Variants in AFDN observed in about 807,000 individuals in gnomAD.
The protein encoded by AFDN is afadin, adherens junction formation factor.
Under a neutral mutation model 216.6 loss-of-function variants are expected in AFDN, and 68 were observed. The observed-to-expected ratio is 0.31, with a 90% CI of 0.26 to 0.38. The LOEUF (loss-of-function observed/expected upper bound fraction) is 0.38. AFDN is among the 10% of genes least tolerant of loss of function. The pLI, the probability that AFDN is intolerant of heterozygous loss-of-function variation, is 1.00. For synonymous variants in AFDN, 868 were observed against 853.7 expected, an observed-to-expected ratio of 1.02 and a Z score of -0.29; for missense variants, 2,136 against 2,342.0, an observed-to-expected ratio of 0.91 and a Z score of 1.82.
chr6:167,960,308 G>A (rs1796911262), intron 30 of AFDN, among the ~76,000 whole-genome samples: 1 of 152,192 alleles, frequency 6.6e-6, no homozygotes, highest in Non-Finnish European at 1.5e-5. Flanking sequence ...GAACACAAGT[G>A]GAGGCTCCTT....
At chr6:167,868,230 C>T (rs1784407892) in intron 2 of AFDN, among the ~76,000 whole-genome samples, 1 of 152,062 alleles carries the variant, frequency 6.6e-6, no homozygotes, top group African/African-American at 2.4e-5. Context: ...CTGTAAAAGG[C>T]CCCTTAGAAA....
chr6:167,829,805 A>G (rs149994297), intron 1 of AFDN, among the ~76,000 whole-genome samples: 1,575 of 152,294 alleles, frequency 0.01, 33 homozygotes, highest in African/African-American at 0.036. Flanking sequence ...GTGTTTAGGA[A>G]GATGATAAAC....
intron 15 of AFDN, 152 bp downstream of exon 15, chr6:167,911,641 T>A: frequency 1.4e-6 from 1 of 696,762 alleles, no homozygotes; most frequent in Non-Finnish European, 2.4e-6. Context: ...TGTATAACTT[T>A]AAAGAGTTGA....
chr6:167,936,817 G>T (rs1480072785), intron 23 of AFDN, among the ~76,000 whole-genome samples: 4 of 152,202 alleles, frequency 2.6e-5, no homozygotes, highest in Admixed American at 2.0e-4. Flanking sequence ...TGGACACCTT[G>T]TAGTTGGACA....
At chr6:167,874,008 A>G (rs1327350826) in intron 4 of AFDN, among the ~76,000 whole-genome samples, 1 of 152,266 alleles carries the variant, frequency 6.6e-6, no homozygotes, top group African/African-American at 2.4e-5. Context: ...ATTACATAAT[A>G]AGACTCTATT....
intron 16 of AFDN, 91 bp from the exon 17 acceptor site, chr6:167,914,077 C>G: frequency 7.1e-7 from 1 of 1,406,666 alleles, no homozygotes; most frequent in Non-Finnish European, 9.8e-7. Context: ...AGGTACTGGT[C>G]TATCTTCAGC....
chr6:167,880,656 A>G (rs377056355), intron 6 of AFDN, 139 bp downstream of exon 6: 2 of 819,624 alleles, frequency 2.4e-6, no homozygotes, highest in Non-Finnish European at 1.9e-6. Context: ...TGCTAAATAT[A>G]TATTTTTAAA....
intron 6 of AFDN, among the ~76,000 whole-genome samples, chr6:167,883,603 A>G (rs977461409): frequency 6.6e-6 from 1 of 152,230 alleles, no homozygotes; most frequent in Non-Finnish European, 1.5e-5. Flanking sequence ...TGGTTTCCCA[A>G]TACGTATAAA....
intron 8 of AFDN, among the ~76,000 whole-genome samples, chr6:167,892,094 T>C (rs1269094153): frequency 1.3e-5 from 2 of 152,252 alleles, no homozygotes; most frequent in Non-Finnish European, 2.9e-5. Flanking sequence ...CCGTAGGTTA[T>C]ATAAATACAG....
chr6:167,958,523 T>G (rs1339352642), intron 30 of AFDN, among the ~76,000 whole-genome samples: 1 of 152,240 alleles, frequency 6.6e-6, no homozygotes, highest in East Asian at 1.9e-4. Flanking sequence ...GTTTGTCTTG[T>G]TAACACGTTT....
intron 1 of AFDN, among the ~76,000 whole-genome samples, chr6:167,857,011 C>T (rs1782974065): frequency 6.6e-6 from 1 of 151,984 alleles, no homozygotes; most frequent in African/African-American, 2.4e-5. Flanking sequence ...GTTTACTACA[C>T]AGTAAAAAGT....
chr6:167,832,408 G>A (rs893874492), intron 1 of AFDN, among the ~76,000 whole-genome samples: 11 of 152,156 alleles, frequency 7.2e-5, no homozygotes, highest in African/African-American at 2.7e-4. Flanking sequence ...GTGTAACTGG[G>A]CTAAAGCAGG....
intron 1 of AFDN, among the ~76,000 whole-genome samples, chr6:167,852,173 T>C (rs1204177994): frequency 6.6e-6 from 1 of 152,192 alleles, no homozygotes; most frequent in Non-Finnish European, 1.5e-5. Flanking sequence ...TTCTTTGTTA[T>C]TATCTGTTAT....
chr6:167,911,023 C>G lies in AFDN; in HGVS notation c.1770-78C>G. 6 of 1,198,232 alleles carry G rather than the reference C, an allele frequency of 5.0e-6. No individual in the cohort carries two copies. The South Asian group carries it at 7.9e-5, about 16-fold the overall frequency. 74.2% of individuals were successfully genotyped at this position (1,198,232 alleles called of 1,614,324 possible). A position where few individuals can be genotyped will look rare whatever the true frequency, so the allele number is the denominator to read the frequency against. On this transcript the variant is annotated intron_variant, in intron 13 of 33. Transcript: ENST00000683244. ...AGTATATAGATTTAAAAAGTAGTTG[C>G]AGAAATCTACACAGGTTGTCAGTAA...
intron 29 of AFDN, among the ~76,000 whole-genome samples, chr6:167,949,716 C>A (rs1226022221): frequency 6.6e-6 from 1 of 152,194 alleles, no homozygotes; most frequent in African/African-American, 2.4e-5. Context: ...GTAGGAGAAT[C>A]TGCTTCCCAT....
chr6:167,881,267 A>G (rs561576837), intron 6 of AFDN, among the ~76,000 whole-genome samples: 2 of 152,352 alleles, frequency 1.3e-5, no homozygotes, highest in African/African-American at 4.8e-5. Context: ...AAGAAGTTAC[A>G]TTGAGTTGGA....
At chr6:167,861,188 T>C (rs768947819) in intron 1 of AFDN, among the ~76,000 whole-genome samples, 8 of 152,202 alleles carry the variant, frequency 5.3e-5, no homozygotes, top group Non-Finnish European at 1.2e-4. Flanking sequence ...TCTGTGGAAT[T>C]ATTCACAACA....
chr6:167,828,909 T>C (rs1779523231), intron 1 of AFDN, among the ~76,000 whole-genome samples: 1 of 152,106 alleles, frequency 6.6e-6, no homozygotes, highest in African/African-American at 2.4e-5. Context: ...ACATTATAGT[T>C]CATTGATTTA....
chr6:167,911,581 G>T, intron 15 of AFDN, 92 bp downstream of exon 15: 1 of 1,136,772 alleles, frequency 8.8e-7, no homozygotes. Flanking sequence ...TTCTCATTTG[G>T]TTACAAGATT....
Sources: gnomAD v4.1 joint callset for allele counts (sites outside exome capture counted in the v4.1 genomes callset) on GRCh38, gnomAD v4.1.1 for gene constraint, MANE v1.5 for transcripts, NCBI Gene and HGNC (gene_info 2026-07-23, HGNC 2026-07-21) for gene names.